Variants in SLC16A12 observed in about 807,000 individuals in gnomAD.
SLC16A12 encodes monocarboxylate transporter 12.
In SLC16A12, 17 loss-of-function variants were observed where a neutral mutation model predicts 42.4. The ratio of observed to expected loss-of-function variants is 0.40; its 90% CI spans 0.27 to 0.60. The LOEUF is 0.60. Among genes scored for constraint, SLC16A12 ranks in the 20% least tolerant of loss-of-function variants. The pLI is 0.42. For synonymous variants in SLC16A12, 224 were observed against 229.4 expected (o/e 0.98, Z 0.21); for missense variants, 544 against 623.0 (o/e 0.87, Z 1.35).
intron 2 of SLC16A12, among the ~76,000 whole-genome samples, chr10:89,554,653 T>C (rs1843798265): frequency 6.6e-6 from 1 of 152,142 alleles, no homozygotes; most frequent in Non-Finnish European, 1.5e-5. Flanking sequence ...ATGACATATG[T>C]ATGTGTGTGT....
At chr10:89,458,747 C>A (rs1169392265) in intron 3 of SLC16A12, among the ~76,000 whole-genome samples, 1 of 152,178 alleles carries the variant, frequency 6.6e-6, no homozygotes, top group East Asian at 1.9e-4. Context: ...ACTCCTGACA[C>A]TTTTGAACAG....
intron 2 of SLC16A12, among the ~76,000 whole-genome samples, chr10:89,479,572 C>A (rs1157780643): frequency 2.0e-5 from 3 of 152,184 alleles, no homozygotes; most frequent in African/African-American, 7.2e-5. Flanking sequence ...ATTCCTGTTT[C>A]TACCTCTAAA....
intron 7 of SLC16A12, among the ~76,000 whole-genome samples, chr10:89,434,706 G>A (rs911084948): frequency 6.6e-6 from 1 of 152,162 alleles, no homozygotes; most frequent in Non-Finnish European, 1.5e-5. Flanking sequence ...AAAGTTTTGG[G>A]TTATTTCTCT....
upstream of SLC16A12, among the ~76,000 whole-genome samples, chr10:89,536,795 G>T (rs1365073119): frequency 6.6e-6 from 1 of 152,052 alleles, no homozygotes; most frequent in Non-Finnish European, 1.5e-5. Flanking sequence ...TGGTGATTTC[G>T]CTGTATGTCA....
At chr10:89,442,622 C>T (rs1313336976) in intron 4 of SLC16A12, among the ~76,000 whole-genome samples, 1 of 152,084 alleles carries the variant, frequency 6.6e-6, no homozygotes, top group Non-Finnish European at 1.5e-5. Flanking sequence ...CTCTATAACT[C>T]GAATATATGA....
In SLC16A12 at chr10:89,541,351, T is replaced by C. The variant is rs144094560; in HGVS notation, c.-47+14531A>G. Among the ~76,000 whole-genome samples the C allele has an allele frequency of 7.1e-3, 1,082 of 152,220 alleles. 9 individuals carry two copies. The highest frequency in any genetic ancestry group is 0.024 in the African/African-American group (1,003 of 41,524). ...TGGCTCATGCCTGTAATCCAACATT[T>C]TGGGAGGCTAAGACCAGAGGATCAC... On this transcript the variant is annotated intron_variant, in intron 2 of 2. Coordinates refer to the SLC16A12 transcript ENST00000475682.
At chr10:89,454,381 C>G (rs977777982) in intron 3 of SLC16A12, among the ~76,000 whole-genome samples, 4 of 152,248 alleles carry the variant, frequency 2.6e-5, no homozygotes, top group African/African-American at 9.6e-5. Flanking sequence ...GCACCTTTCT[C>G]TGGTACTGCA....
intron 2 of SLC16A12, among the ~76,000 whole-genome samples, chr10:89,507,570 T>C (rs1413091022): frequency 6.6e-6 from 1 of 152,170 alleles, no homozygotes. Flanking sequence ...CAAGAGCTCC[T>C]GAAGGAAGCA....
At position 89,479,330 on chromosome 10, in the gene SLC16A12, G is replaced by T. The variant is rs145443942; in HGVS notation, c.-46-16706C>A. Among the ~76,000 whole-genome samples the T allele has an allele frequency of 4.0e-5, 6 of 151,622 alleles. 1 individual carries two copies. The East Asian group carries it at 1.2e-3, about 29-fold the overall frequency. ...TCTTTTTTTTTTTCATGTGGGATCT[G>T]CCTATTTGTAGAGAAGCTTATCTTC... On this transcript the variant is annotated intron_variant, in intron 2 of 7. Coordinates refer to ENST00000371790, the MANE Select transcript of SLC16A12 (RefSeq NM_213606.4).
chr10:89,528,988 G>A (rs1007464232), intron 2 of SLC16A12, among the ~76,000 whole-genome samples: 5 of 152,202 alleles, frequency 3.3e-5, no homozygotes, highest in African/African-American at 9.6e-5. Flanking sequence ...ATGCCTGTGA[G>A]TTTGGGCTAC....
intron 7 of SLC16A12, among the ~76,000 whole-genome samples, chr10:89,435,129 T>G (rs1018486237): frequency 6.6e-6 from 1 of 152,244 alleles, no homozygotes; most frequent in African/African-American, 2.4e-5. Flanking sequence ...TTATAAAACA[T>G]TCTATGTGCT....
chr10:89,484,677 T>C (rs1842720808), intron 2 of SLC16A12, among the ~76,000 whole-genome samples: 1 of 152,222 alleles, frequency 6.6e-6, no homozygotes, highest in South Asian at 2.1e-4. Flanking sequence ...GCCTGTGCTC[T>C]TAACCACTGC....
At chr10:89,449,129 C>G (rs1450570565) in intron 3 of SLC16A12, among the ~76,000 whole-genome samples, 1 of 152,198 alleles carries the variant, frequency 6.6e-6, no homozygotes, top group Non-Finnish European at 1.5e-5. Context: ...AATGGAATAA[C>G]ATTCCATGCT....
intron 2 of SLC16A12, among the ~76,000 whole-genome samples, chr10:89,548,613 C>T (rs547655007): frequency 3.3e-5 from 5 of 152,104 alleles, no homozygotes; most frequent in Non-Finnish European, 7.4e-5. Flanking sequence ...GTCAGGAGTT[C>T]GAGACCAGCC....
intron 2 of SLC16A12, among the ~76,000 whole-genome samples, chr10:89,520,917 C>T (rs1385897801): frequency 1.3e-5 from 2 of 152,066 alleles, no homozygotes; most frequent in Admixed American, 6.6e-5. Flanking sequence ...AGATAAGCCT[C>T]CAGCCAGTGC....
intron 2 of SLC16A12, among the ~76,000 whole-genome samples, chr10:89,505,460 A>G (rs1421855144): frequency 6.6e-6 from 1 of 152,120 alleles, no homozygotes. Flanking sequence ...GAATTCCAGC[A>G]AGATGGCTGA....
chr10:89,489,516 G>A (rs1050260042), intron 2 of SLC16A12, among the ~76,000 whole-genome samples: 1 of 151,770 alleles, frequency 6.6e-6, no homozygotes, highest in Non-Finnish European at 1.5e-5. Context: ...CTTTTTGTGT[G>A]CTTTTTGTAG....
Position 89,438,889 on chromosome 10 carries a change from T to G in SLC16A12, c.743A>C (p.Asp248Ala). 1 of 1,613,232 alleles carries G rather than the reference T, an allele frequency of 6.2e-7. No individual in the cohort carries two copies. Among genetic ancestry groups the G allele is most frequent in the Non-Finnish European group, 8.5e-7 (1 of 1,179,710 alleles). ...TGAATAGGGAGACACCCGCTTAATG[T>G]CTTCTTTCTGAGTTCTACACACATG... Reference protein sequence around the residue: ...QNHVCRTQKEDIKRVSPYSSL... With the variant: ...QNHVCRTQKEAIKRVSPYSSL... The change falls in exon 6 of 8, where the codon GAC becomes GCC. Residue 248 changes from aspartate (D) to alanine (A), a missense_variant. Coordinates refer to ENST00000371790, the MANE Select transcript of SLC16A12 (RefSeq NM_213606.4).
At chr10:89,475,611 T>C (rs1157059187) in intron 2 of SLC16A12, among the ~76,000 whole-genome samples, 1 of 152,230 alleles carries the variant, frequency 6.6e-6, no homozygotes, top group Non-Finnish European at 1.5e-5. Context: ...TGCTTAGTCC[T>C]CAAACAAATC....
Sources: gnomAD v4.1 joint callset for allele counts (sites outside exome capture counted in the v4.1 genomes callset) on GRCh38, gnomAD v4.1.1 for gene constraint, MANE v1.5 for transcripts, NCBI Gene and HGNC (gene_info 2026-07-23, HGNC 2026-07-21) for gene names.